Variants in SAXO1 observed in about 807,000 individuals in gnomAD.
SAXO1 encodes stabilizer of axonemal microtubules 1.
Under a neutral mutation model 17.5 loss-of-function variants are expected in SAXO1, and 21 were observed. That is an observed-to-expected ratio of 1.20 (90% CI 0.85 to 1.72). The LOEUF is 1.72. Among genes scored for constraint, SAXO1 ranks in the 40% most tolerant of loss-of-function variants. The pLI is 0.00. For missense variants in SAXO1, 843 were observed against 596.0 expected (o/e 1.41, Z -4.32); for synonymous variants, 274 against 216.5 (o/e 1.27, Z -2.33).
At chr9:18,973,268 C>T (rs1482178002) in intron 1 of SAXO1, among the ~76,000 whole-genome samples, 3 of 152,174 alleles carry the variant, frequency 2.0e-5, no homozygotes, top group South Asian at 2.1e-4. Context: ...ATAAAATGAG[C>T]TTTGTGCATA....
chr9:18,974,569 G>A (rs1476639375), intron 1 of SAXO1, among the ~76,000 whole-genome samples: 1 of 152,146 alleles, frequency 6.6e-6, no homozygotes, highest in Non-Finnish European at 1.5e-5. Context: ...ATGGATAATG[G>A]ACATATGTCA....
At chr9:18,957,738 C>G (rs1832314306) in intron 1 of SAXO1, among the ~76,000 whole-genome samples, 1 of 152,102 alleles carries the variant, frequency 6.6e-6, no homozygotes, top group Non-Finnish European at 1.5e-5. Context: ...CAGGCAAGGC[C>G]TTCTCAAAGA....
At chr9:18,947,085 G>T (rs143853913) in intron 2 of SAXO1, among the ~76,000 whole-genome samples, 1 of 152,160 alleles carries the variant, frequency 6.6e-6, no homozygotes, top group Non-Finnish European at 1.5e-5. Flanking sequence ...CAATTCAAAG[G>T]CTCTGAGATT....
At chr9:19,021,723 C>T (rs1340410711) in intron 1 of SAXO1, among the ~76,000 whole-genome samples, 1 of 152,212 alleles carries the variant, frequency 6.6e-6, no homozygotes, top group Non-Finnish European at 1.5e-5. Flanking sequence ...ACTTGGAGAA[C>T]TTTTGTGTCT....
At chr9:19,037,022 T>C (rs1703064094), upstream of SAXO1, among the ~76,000 whole-genome samples, 1 of 152,146 alleles carries the variant, frequency 6.6e-6, no homozygotes, top group African/African-American at 2.4e-5. Context: ...AGACATGGAG[T>C]CAAAGGAGAT....
chr9:18,963,371 T>C (rs1054504891), intron 1 of SAXO1, among the ~76,000 whole-genome samples: 1 of 151,662 alleles, frequency 6.6e-6, no homozygotes, highest in Non-Finnish European at 1.5e-5. Context: ...GGGAATAGCA[T>C]TGATTCTATA....
intron 1 of SAXO1, among the ~76,000 whole-genome samples, chr9:18,983,536 C>T (rs1833479543): frequency 6.6e-6 from 1 of 152,208 alleles, no homozygotes; most frequent in South Asian, 2.1e-4. Flanking sequence ...TGCATTTTCA[C>T]CAGAAGTAGA....
At chr9:19,018,218 T>C (rs536616420) in intron 1 of SAXO1, among the ~76,000 whole-genome samples, 247 of 151,974 alleles carry the variant, frequency 1.6e-3, no homozygotes, top group African/African-American at 5.5e-3. Context: ...CCATTCTCCA[T>C]GTTTTTGTTT....
intron 3 of SAXO1, among the ~76,000 whole-genome samples, chr9:18,929,787 T>C (rs1033016432): frequency 2.6e-5 from 4 of 152,218 alleles, no homozygotes; most frequent in Non-Finnish European, 5.9e-5. Context: ...TGAGGGAATT[T>C]GTCCCAGCTC....
chr9:18,941,842 G>A lies in SAXO1; in HGVS notation c.219-3C>T, dbSNP rs2131702129. On this transcript the variant is annotated splice_region_variant and splice_polypyrimidine_tract_variant and intron_variant, in intron 2 of 3. Transcript: ENST00000380534. ...CTTTGTGAGGCCCAAAATCTCTCCT[G>A]TAAGGAAGCAAGTGCATGCTGTTGG... The A allele has an allele frequency of 1.2e-6, 2 of 1,614,176 alleles. No individual in the cohort carries two copies. The highest frequency in any genetic ancestry group is 2.2e-5 in the East Asian group (1 of 44,888).
At chr9:18,969,307 T>A (rs1331390961) in intron 1 of SAXO1, among the ~76,000 whole-genome samples, 7 of 152,194 alleles carry the variant, frequency 4.6e-5, no homozygotes, top group Non-Finnish European at 8.8e-5. Context: ...CACATGGCCT[T>A]TTAGTGTCCT....
At chr9:18,949,166 A>G (rs1831921250) in intron 2 of SAXO1, among the ~76,000 whole-genome samples, 1 of 152,276 alleles carries the variant, frequency 6.6e-6, no homozygotes, top group African/African-American at 2.4e-5. Flanking sequence ...AAAAAACAGC[A>G]GCATAAACTA....
Position 18,928,525 on chromosome 9 carries a change from G to A in SAXO1, c.952C>T (p.Pro318Ser), listed in dbSNP as rs201794314. Reference sequence around the variant, plus strand: ...AGTGCAGGTCGGCAGGACTGAGCTGGGGCACCCTTAGGGCATGTGTAATGG... The same window carrying A: ...AGTGCAGGTCGGCAGGACTGAGCTGAGGCACCCTTAGGGCATGTGTAATGG... ...QAHYTCPKGA[P>S]AQSCRPALQI... The change falls in exon 4 of 4, where the codon CCA (proline) becomes TCA (serine). Residue 318 changes from proline to serine, a missense_variant. By Grantham distance (74) the Pro-to-Ser change is moderately conservative. Coordinates refer to ENST00000380534, the MANE Select transcript of SAXO1 (RefSeq NM_153707.4). The A allele has an allele frequency of 2.5e-6, 4 of 1,613,992 alleles. No homozygotes were observed. Among genetic ancestry groups the A allele is most frequent in the East Asian group, 2.2e-5 (1 of 44,858 alleles).
chr9:19,039,235 G>A (rs568758527), intron 1 of SAXO1, among the ~76,000 whole-genome samples: 3 of 152,172 alleles, frequency 2.0e-5, no homozygotes, highest in African/African-American at 7.2e-5. Flanking sequence ...AGAATACAAG[G>A]TGGTTTTAAT....
intron 1 of SAXO1, among the ~76,000 whole-genome samples, chr9:19,008,233 C>T (rs941295188): frequency 6.6e-6 from 1 of 152,148 alleles, no homozygotes; most frequent in Non-Finnish European, 1.5e-5. Context: ...CCACTTTGGC[C>T]TCTCAAAGTG....
intron 1 of SAXO1, among the ~76,000 whole-genome samples, chr9:19,039,288 G>T (rs1014291169): frequency 6.6e-6 from 1 of 152,182 alleles, no homozygotes; most frequent in South Asian, 2.1e-4. Context: ...CTGTTGCGCT[G>T]CTTTATTTAA....
At chr9:19,027,660 A>T (rs922405706) in intron 1 of SAXO1, 1 of 1,372,242 alleles carries the variant, frequency 7.3e-7, no homozygotes, top group African/African-American at 1.4e-5. Context: ...GCCCTGGCCA[A>T]GGAGAAAGCG....
At chr9:19,045,947 C>A (rs748723762) in intron 1 of SAXO1, among the ~76,000 whole-genome samples, 1 of 151,988 alleles carries the variant, frequency 6.6e-6, no homozygotes, top group Non-Finnish European at 1.5e-5. Flanking sequence ...AGTAGCCGGG[C>A]CTGGGGGCGC....
At position 18,950,771 on chromosome 9, in the gene SAXO1, G is replaced by T. The variant is rs1273089341; in HGVS notation, c.205C>A (p.Leu69Met). The T allele has an allele frequency of 9.3e-6, 15 of 1,613,142 alleles. No homozygotes were observed. Among genetic ancestry groups the T allele is most frequent in the Non-Finnish European group, 1.2e-5 (14 of 1,179,440 alleles). The change falls in exon 2 of 4, where the codon CTG (leucine) becomes ATG (methionine). Residue 69 changes from leucine (L) to methionine (M), a missense_variant. Coordinates refer to ENST00000380534, the MANE Select transcript of SAXO1 (RefSeq NM_153707.4). Reference protein sequence around the residue: ...YQKGPIPMEGLTTSRRDFGPH... With the variant: ...YQKGPIPMEGMTTSRRDFGPH... The stretch of plus-strand genomic sequence containing the variant: ...GTTTGCCCTCACCTTGATGTAGTCA[G>T]GCCTTCCATTGGTATAGGCCCTTTC...
Sources: allele counts gnomAD v4.1 joint callset (sites outside exome capture counted in the v4.1 genomes callset), GRCh38; gene constraint gnomAD v4.1.1; transcripts MANE v1.5; gene names NCBI Gene and HGNC (gene_info 2026-07-23, HGNC 2026-07-21).